The following IGSF8 variants were observed in gnomAD, a reference collection of about 807,000 sequenced individuals.
IGSF8 encodes CD81 partner 3.
IGSF8 carries 46 observed loss-of-function variants against 55.5 expected under a neutral mutation model. The observed-to-expected ratio is 0.83, with a 90% CI of 0.65 to 1.06. IGSF8 has a LOEUF of 1.06. Among genes scored for constraint, IGSF8 ranks in the 50% least tolerant of loss-of-function variants. IGSF8 has a pLI of 0.00. For missense variants in IGSF8, 731 were observed against 832.3 expected, an observed-to-expected ratio of 0.88 and a Z score of 1.50; for synonymous variants, 314 against 356.1, an observed-to-expected ratio of 0.88 and a Z score of 1.33.
chr1:160,098,381 C>T (rs1650591958), intron 1 of IGSF8, 28 bp downstream of exon 1: 3 of 1,552,692 alleles, frequency 1.9e-6, no homozygotes, highest in Non-Finnish European at 2.6e-6. Flanking sequence ...CCGGCAGGGC[C>T]GGGAACCGGA....
chr1:160,092,632 G>A lies in IGSF8; in HGVS notation c.1376C>T (p.Ser459Phe), dbSNP rs767951370. ...CCGCACAGAGATGTTGCACAGCAGG[G>A]AGGCAGTCTCCCCGCGGTACACTGT... ...GGTVYRGETA[S>F]LLCNISVRGG... Residue 459 changes from serine to phenylalanine, a missense_variant, in exon 5 of 7, where the codon TCC becomes TTC. By Grantham distance (155) the Ser-to-Phe change is radical. Transcript: ENST00000314485. The A allele has an allele frequency of 4.1e-5, 65 of 1,603,832 alleles. No individual in the cohort carries two copies. The highest frequency in any genetic ancestry group is 5.1e-5 in the Non-Finnish European group (60 of 1,179,956).
rs750275971 is a variant in IGSF8 at position 160,091,881 on chromosome 1, C to G, written c.1784G>C (p.Gly595Ala). 7 of 1,613,974 alleles carry G rather than the reference C, an allele frequency of 4.3e-6. No homozygotes were observed. In the South Asian group the frequency reaches 6.6e-5, roughly 15 times the overall value. Residue 595 changes from glycine (G) to alanine (A), a missense_variant, in exon 6 of 7, where the codon GGT (glycine) becomes GCT (alanine). By Grantham distance (60) the Gly-to-Ala change is moderately conservative. Transcript: ENST00000314485. ...AGTGATGGTACCAAGGACAGTGGCA[C>G]CAGTGACTAGGGCCACCCCTGTACC... ...LVGTGVALVT[G>A]ATVLGTITCC...
rs12727520 is a variant in IGSF8 at position 160,091,624 on chromosome 1, G to A, written c.*16-16C>T. 67,494 of 587,140 alleles carry A rather than the reference G, an allele frequency of 0.11. 4,560 individuals carry two copies. Among genetic ancestry groups the A allele is most frequent in the Admixed American group, 0.16 (5,338 of 32,984 alleles). The allele number at this position is 587,140 out of a possible 1,614,324, so 36.4% of individuals were successfully genotyped here. A position where few individuals can be genotyped will look rare whatever the true frequency, so the allele number is the denominator to read the frequency against. On this transcript the variant is annotated splice_polypyrimidine_tract_variant and intron_variant, in intron 6 of 6. Transcript: ENST00000314485. ...CCTGCAAGACCTGAAAAGGGTGCCC[G>A]GTGTGGGCTAAGGACAGAGAGCCCT...
At chr1:160,097,103 A>G (rs571292038) in intron 1 of IGSF8, among the ~76,000 whole-genome samples, 2 of 152,300 alleles carry the variant, frequency 1.3e-5, no homozygotes, top group East Asian at 1.9e-4. Flanking sequence ...CCTAGCCCCA[A>G]CACTCACTAA....
rs748591731 is a variant in IGSF8 at position 160,094,097 on chromosome 1, G to A, written c.517C>T (p.Arg173Cys). 24 of 1,611,530 alleles carry A rather than the reference G, an allele frequency of 1.5e-5. No homozygotes were observed. The highest frequency in any genetic ancestry group is 1.1e-4 in the East Asian group (5 of 44,896). ...RGRQAPTSPP[R>C]MTVHEGQELA... ...TCCTGCCCCTCATGCACCGTCATGC[G>A]TGGGGGTGAGGTTGGGGCCTGGCGG... The change falls in exon 3 of 7, where the codon CGC (arginine) becomes TGC (cysteine). Residue 173 changes from arginine to cysteine, a missense_variant. Arg to Cys is a radical substitution (Grantham distance 180). Transcript: ENST00000314485. The surrounding 1 kb of genome is among the most constrained non-coding windows in gnomAD (Gnocchi z 4.0).
In IGSF8 at chr1:160,093,045, C is replaced by A; in HGVS notation, c.1191G>T (p.Arg397Ser). 1 of 1,614,088 alleles carries A rather than the reference C, an allele frequency of 6.2e-7. No homozygotes were observed. Among genetic ancestry groups the A allele is most frequent in the Middle Eastern group, 1.7e-4 (1 of 6,058 alleles). Residue 397 changes from arginine to serine, a missense_variant, in exon 4 of 7, where the codon AGG becomes AGT. By Grantham distance (110) the Arg-to-Ser change is moderately radical. Coordinates refer to ENST00000314485, the MANE Select transcript of IGSF8 (RefSeq NM_052868.6). ...RTYRLRLEAA[R>S]PGDAGTYRCL... Reference sequence around the variant, plus strand: ...AGCGGTAGGTGCCCGCATCACCAGGCCTGGCAGCCTCTAGCCGTAGCCGGT... The same window carrying A: ...AGCGGTAGGTGCCCGCATCACCAGGACTGGCAGCCTCTAGCCGTAGCCGGT...
At chr1:160,097,714 C>G (rs1041546545) in intron 1 of IGSF8, 6 of 985,360 alleles carry the variant, frequency 6.1e-6, no homozygotes, top group Non-Finnish European at 7.2e-6. Flanking sequence ...ACACCCACCA[C>G]AGCAGGCACA....
chr1:160,095,211 C>T lies in IGSF8; in HGVS notation c.100G>A (p.Glu34Lys), dbSNP rs376402367. The change falls in exon 2 of 7, where the codon GAG becomes AAG. Residue 34 changes from glutamate (E) to lysine (K), a missense_variant. Transcript: ENST00000314485. ...GCWAREVLVP[E>K]GPLYRVAGTA... ...CCAGCCACGCGGTACAAGGGCCCCT[C>T]GGGGACCAGCACCTCCCGGGCCCAG... 63 of 1,606,410 alleles carry T rather than the reference C, an allele frequency of 3.9e-5. No homozygotes were observed. Among genetic ancestry groups the T allele is most frequent in the Middle Eastern group, 1.6e-4 (1 of 6,082 alleles).
chr1:160,094,155 G>A lies in IGSF8; in HGVS notation c.459C>T (p.Leu153=), dbSNP rs1171956478. The change falls in exon 3 of 7, where the codon CTC becomes CTT. Residue 153 remains leucine (L), a synonymous_variant. Coordinates refer to ENST00000314485, the MANE Select transcript of IGSF8 (RefSeq NM_052868.6). This position sits in a 1 kb window ranked among gnomAD's most constrained non-coding sequence, Gnocchi z 4.0. ...GCCCTGGGGGGGCAGCAGACACCTG[G>A]AGGACATCTGGAAGAACTGGAGAGA... The part of the protein sequence containing the change: ...KVELRVLPDV[L]QVSAAPPGPR... 1.3e-6 allele frequency: 2 copies of A among 1,599,048 alleles called. No individual in the cohort carries two copies. The highest frequency in any genetic ancestry group is 4.5e-5 in the East Asian group (2 of 44,812).
chr1:160,097,135 A>G (rs892966283), intron 1 of IGSF8, among the ~76,000 whole-genome samples: 10 of 152,218 alleles, frequency 6.6e-5, no homozygotes. Context: ...GGGGCAAGTT[A>G]CTTCATTTTC....
chr1:160,096,721 A>T (rs1287347985), intron 1 of IGSF8, among the ~76,000 whole-genome samples: 1 of 152,222 alleles, frequency 6.6e-6, no homozygotes, highest in Non-Finnish European at 1.5e-5. Flanking sequence ...CCTGGGATCC[A>T]GTCTCTTTCT....
intron 5 of IGSF8, 108 bp downstream of exon 5, chr1:160,092,174 T>C (rs1394066975): frequency 8.2e-7 from 1 of 1,218,124 alleles, no homozygotes; most frequent in Admixed American, 1.8e-5. Flanking sequence ...TGTGACATAA[T>C]GTGGAGGAGA....
Position 160,093,133 on chromosome 1 carries a change from C to T in IGSF8, c.1103G>A (p.Gly368Asp), listed in dbSNP as rs1473037713. Residue 368 changes from glycine to aspartate, a missense_variant, in exon 4 of 7, where the codon GGC becomes GAC. Gly to Asp is a moderately conservative substitution (Grantham distance 94). Transcript: ENST00000314485. The part of the protein sequence containing the change: ...LVAQLDTEGV[G>D]SLGPGYEGRH... ...GCCCTCATAGCCAGGGCCCAGGCTGCCCACACCCTCTGTGTCCAGCTGGGC... is the reference window on the plus strand; with the variant it reads ...GCCCTCATAGCCAGGGCCCAGGCTGTCCACACCCTCTGTGTCCAGCTGGGC... The T allele has an allele frequency of 6.2e-7, 1 of 1,613,756 alleles. No individual in the cohort carries two copies.
chr1:160,098,558 G>A lies in IGSF8; in HGVS notation c.-86C>T. Reference sequence around the variant, plus strand: ...GGTGGGGGGCGCATGCCCAGGTTGAGGGCAGGAAGCGGGGCAGCGAGGCGT... The same window carrying A: ...GGTGGGGGGCGCATGCCCAGGTTGAAGGCAGGAAGCGGGGCAGCGAGGCGT... On this transcript the variant is annotated 5_prime_UTR_variant, in exon 1 of 7. Coordinates refer to ENST00000314485, the MANE Select transcript of IGSF8 (RefSeq NM_052868.6). 1 of 936,424 alleles carries A rather than the reference G, an allele frequency of 1.1e-6. No individual in the cohort carries two copies. Among genetic ancestry groups the A allele is most frequent in the Non-Finnish European group, 1.6e-6 (1 of 635,254 alleles). The allele number at this position is 936,424 out of a possible 1,614,324, so 58.0% of individuals were successfully genotyped here. A position where few individuals can be genotyped will look rare whatever the true frequency, so the allele number is the denominator to read the frequency against.
intron 3 of IGSF8, 34 bp from the exon 4 acceptor site, chr1:160,093,365 G>A (rs769919628): frequency 2.6e-6 from 4 of 1,541,798 alleles, no homozygotes; most frequent in Non-Finnish European, 2.6e-6. Flanking sequence ...GTGTCATGGA[G>A]GCAGGAGGGG....
rs888450331 is a variant in IGSF8, at chr1:160,094,283, T to G, written c.443-112A>C. The G allele has an allele frequency of 1.4e-6, 1 of 695,548 alleles. No individual in the cohort carries two copies. Among genetic ancestry groups the G allele is most frequent in the African/African-American group, 1.8e-5 (1 of 55,616 alleles). The allele number at this position is 695,548 out of a possible 1,614,324, so 43.1% of individuals were successfully genotyped here. On this transcript the variant is annotated intron_variant, in intron 2 of 6. Transcript: ENST00000314485. This position sits in a 1 kb window ranked among gnomAD's most constrained non-coding sequence, Gnocchi z 4.0. ...ACTGTGAGCTCCCAGAGGGCAAAGA[T>G]CGCATGTTGTATTATTTCTTCTGTA...
At chr1:160,099,127 GC>G (rs1208301386), upstream of IGSF8, among the ~76,000 whole-genome samples, 1 of 149,006 alleles carries the variant, frequency 6.7e-6, no homozygotes, top group Non-Finnish European at 1.5e-5. Context: ...CCCTGGCTCC[GC>G]CCGAGGCCCC....
In IGSF8 at chr1:160,093,154, T is replaced by A; in HGVS notation, c.1082A>T (p.Gln361Leu). Reference protein sequence around the residue: ...GAPGPGRLVAQLDTEGVGSLG... With the variant: ...GAPGPGRLVALLDTEGVGSLG... ...GCTGCCCACACCCTCTGTGTCCAGC[T>A]GGGCTACCAGGCGGCCGGGCCCAGG... is the stretch of plus-strand genomic sequence containing the variant. The change falls in exon 4 of 7, where the codon CAG (glutamine) becomes CTG (leucine). Residue 361 changes from glutamine (Q) to leucine (L), a missense_variant. Transcript: ENST00000314485. 1 of 1,613,790 alleles carries A rather than the reference T, an allele frequency of 6.2e-7. No homozygotes were observed. The highest frequency in any genetic ancestry group is 8.5e-7 in the Non-Finnish European group (1 of 1,179,856).
rs752677253 is a variant in IGSF8, at chr1:160,095,243, A to G, written c.68T>C (p.Met23Thr). 3.1e-6 allele frequency: 5 copies of G among 1,599,650 alleles called. No individual in the cohort carries two copies. The highest frequency in any genetic ancestry group is 4.2e-6 in the Non-Finnish European group (5 of 1,178,134). Residue 23 changes from methionine (M) to threonine (T), a missense_variant, in exon 2 of 7, where the codon ATG becomes ACG. Coordinates refer to ENST00000314485, the MANE Select transcript of IGSF8 (RefSeq NM_052868.6). ...CAGCACCTCCCGGGCCCAGCATCCC[A>G]TTCCTGTAGGGAAAGGCAGAAGGAG... The part of the protein sequence containing the change: ...LPLLLLLMLG[M>T]GCWAREVLVP...
Sources: gnomAD v4.1 joint callset for allele counts (sites outside exome capture counted in the v4.1 genomes callset) on GRCh38, gnomAD v4.1.1 for gene constraint, Gnocchi (gnomAD v3.1) non-coding constraint, MANE v1.5 for transcripts, NCBI Gene and HGNC (gene_info 2026-07-23, HGNC 2026-07-21) for gene names.